PLB1: variants seen among roughly 807,000 people sequenced by gnomAD.
PLB1 encodes the protein phospholipase B1, membrane-associated.
Under a neutral mutation model 227.4 loss-of-function variants are expected in PLB1, and 242 were observed. The observed-to-expected ratio is 1.06, with a 90% CI of 0.96 to 1.18. The LOEUF is 1.18. Among genes scored for constraint, PLB1 ranks in the 50% most tolerant of loss-of-function variants. The pLI is 0.00. For missense variants in PLB1, 1,858 were observed against 1,816.3 expected, an observed-to-expected ratio of 1.02 and a Z score of -0.42; for synonymous variants, 757 against 682.2, an observed-to-expected ratio of 1.11 and a Z score of -1.71.
chr2:28,509,727 A>C (rs886680487), intron 1 of PLB1, among the ~76,000 whole-genome samples: 1 of 152,162 alleles, frequency 6.6e-6, no homozygotes, highest in Non-Finnish European at 1.5e-5. Context: ...AAAGCCCTTC[A>C]TATATCCATG....
intron 53 of PLB1, among the ~76,000 whole-genome samples, chr2:28,629,446 G>A (rs151016587): frequency 1.8e-4 from 27 of 152,348 alleles, no homozygotes; most frequent in Non-Finnish European, 2.9e-4. Flanking sequence ...CCCTGACATT[G>A]TCAGTGATTG....
intron 9 of PLB1, among the ~76,000 whole-genome samples, chr2:28,537,658 C>CAAAA (rs771254945): frequency 1.1e-4 from 6 of 56,226 alleles, no homozygotes; most frequent in Admixed American, 2.2e-4. Context: ...GACTCCATCT[C>CAAAA]AAAAAAAAAA....
chr2:28,628,483 C>T (rs1220733640), intron 51 of PLB1, 80 bp from the exon 52 acceptor site: 4 of 1,312,352 alleles, frequency 3.0e-6, no homozygotes, highest in Admixed American at 1.7e-5. Context: ...TTAGCCCAGG[C>T]CCCAGAGCCC....
At chr2:28,568,205 T>C (rs1461417474) in intron 20 of PLB1, among the ~76,000 whole-genome samples, 1 of 152,222 alleles carries the variant, frequency 6.6e-6, no homozygotes, top group Non-Finnish European at 1.5e-5. Flanking sequence ...CCTCTATTGC[T>C]AGGAGATGGT....
intron 17 of PLB1, among the ~76,000 whole-genome samples, chr2:28,559,740 C>CTTTTT (rs10618292): frequency 3.0e-5 from 2 of 66,244 alleles, no homozygotes; most frequent in African/African-American, 1.3e-4. Context: ...GGCCTGAAAG[C>CTTTTT]TTTTTTTTTT....
chr2:28,527,907 T>A (rs1300707979), intron 6 of PLB1, among the ~76,000 whole-genome samples: 1 of 152,222 alleles, frequency 6.6e-6, no homozygotes, highest in Non-Finnish European at 1.5e-5. Flanking sequence ...TTACAGACTA[T>A]CCTCAGATGA....
chr2:28,593,835 A>T (rs1465682662), intron 33 of PLB1, 81 bp downstream of exon 33: 9 of 1,281,690 alleles, frequency 7.0e-6, no homozygotes, highest in Non-Finnish European at 1.0e-5. Context: ...AAATATGTAA[A>T]TCCCAGAGGT....
At position 28,525,891 on chromosome 2, in the gene PLB1, G is replaced by C. The variant is rs1364881773; in HGVS notation, c.285-14G>C. On this transcript the variant is annotated splice_polypyrimidine_tract_variant and intron_variant, in intron 5 of 57. Coordinates refer to ENST00000327757, the MANE Select transcript of PLB1 (RefSeq NM_153021.5). ...AATGCAGCCTGACACTCACATGCCT[G>C]CTTCTACCTGCAGGACTGAAAGGCC... is the stretch of plus-strand genomic sequence containing the variant. 6.2e-7 allele frequency: 1 copy of C among 1,613,878 alleles called. No homozygotes were observed. The highest frequency in any genetic ancestry group is 8.5e-7 in the Non-Finnish European group (1 of 1,179,956).
At chr2:28,626,903 T>C (rs888882332) in intron 51 of PLB1, among the ~76,000 whole-genome samples, 2 of 152,168 alleles carry the variant, frequency 1.3e-5, no homozygotes, top group African/African-American at 4.8e-5. Flanking sequence ...GTTGGATGGG[T>C]CATCACGAGT....
intron 35 of PLB1, among the ~76,000 whole-genome samples, chr2:28,599,520 C>T (rs1028928237): frequency 2.0e-5 from 3 of 152,148 alleles, no homozygotes; most frequent in African/African-American, 7.2e-5. Context: ...TAGGAGATCA[C>T]CTTGCTATGG....
chr2:28,627,098 C>G (rs1020520436), intron 51 of PLB1, among the ~76,000 whole-genome samples: 2 of 152,166 alleles, frequency 1.3e-5, no homozygotes, highest in African/African-American at 4.8e-5. Context: ...AGCTGCCCAG[C>G]CTCAGAGATT....
intron 2 of PLB1, among the ~76,000 whole-genome samples, chr2:28,517,870 CTTTTTT>C (rs751699033): frequency 9.0e-5 from 12 of 133,856 alleles, no homozygotes; most frequent in African/African-American, 3.3e-4. Flanking sequence ...AGAACTTTCT[CTTTTTT>C]TTTTTTTTTT....
intron 15 of PLB1, 97 bp from the exon 16 acceptor site, chr2:28,549,913 C>G: frequency 3.1e-6 from 3 of 979,400 alleles, no homozygotes; most frequent in Non-Finnish European, 4.7e-6. Flanking sequence ...TGTGAATGTT[C>G]CTAGTTGGCC....
chr2:28,640,823 C>A, intron 56 of PLB1, 104 bp from the exon 57 acceptor site: 1 of 1,219,354 alleles, frequency 8.2e-7, no homozygotes. Flanking sequence ...TTTCTATCCC[C>A]CACCCCGTTC....
At chr2:28,631,363 CTCT>C (rs1172668091) in intron 54 of PLB1, among the ~76,000 whole-genome samples, 2 of 152,096 alleles carry the variant, frequency 1.3e-5, no homozygotes, top group Non-Finnish European at 2.9e-5. Context: ...TGCTTCCCTC[CTCT>C]AAGGAGCTTC....
intron 56 of PLB1, among the ~76,000 whole-genome samples, chr2:28,638,465 A>AC (rs1292446401): frequency 6.6e-6 from 1 of 152,050 alleles, no homozygotes; most frequent in African/African-American, 2.4e-5. Context: ...GCTCTGGCTT[A>AC]CCCCTGGGTC....
chr2:28,623,628 T>G (rs1458883282), intron 49 of PLB1, among the ~76,000 whole-genome samples: 2 of 152,152 alleles, frequency 1.3e-5, no homozygotes, highest in African/African-American at 4.8e-5. Flanking sequence ...CGTACCTAGC[T>G]TACCGTGGCC....
At chr2:28,605,296 CTG>C (rs1684511384) in intron 41 of PLB1, among the ~76,000 whole-genome samples, 1 of 152,174 alleles carries the variant, frequency 6.6e-6, no homozygotes, top group African/African-American at 2.4e-5. Flanking sequence ...CAGGTGAGGA[CTG>C]AGGTCTGTCC....
intron 17 of PLB1, among the ~76,000 whole-genome samples, chr2:28,556,135 T>C (rs998446624): frequency 6.6e-6 from 1 of 152,208 alleles, no homozygotes; most frequent in East Asian, 1.9e-4. Context: ...AGTGCTGGGA[T>C]TATAGGCATA....
Sources: gnomAD v4.1 joint callset for allele counts (sites outside exome capture counted in the v4.1 genomes callset) on GRCh38, gnomAD v4.1.1 for gene constraint, MANE v1.5 for transcripts, NCBI Gene and HGNC (gene_info 2026-07-23, HGNC 2026-07-21) for gene names.